Variants in TAF4B observed in about 807,000 individuals in gnomAD.
TAF4B encodes TATA-box binding protein associated factor 4b.
In TAF4B, 38 loss-of-function variants were observed where a neutral mutation model predicts 86.4. The ratio of observed to expected loss-of-function variants is 0.44; its 90% CI spans 0.34 to 0.58. The LOEUF (loss-of-function observed/expected upper bound fraction) is 0.58, where lower values mean the gene tolerates loss of function less well. TAF4B is among the 20% of genes least tolerant of loss of function. TAF4B has a pLI of 0.02. For missense variants in TAF4B, 988 were observed against 1,027.6 expected (o/e 0.96, Z 0.53); for synonymous variants, 388 against 391.2 (o/e 0.99, Z 0.10).
chr18:26,336,322 C>A (rs998299528), intron 13 of TAF4B, among the ~76,000 whole-genome samples: 1 of 152,134 alleles, frequency 6.6e-6, no homozygotes, highest in Non-Finnish European at 1.5e-5. Flanking sequence ...AACATTGCTG[C>A]AGTTGGCTCC....
At chr18:26,350,146 C>A (rs2057233136) in intron 13 of TAF4B, among the ~76,000 whole-genome samples, 1 of 152,008 alleles carries the variant, frequency 6.6e-6, no homozygotes, top group African/African-American at 2.4e-5. Context: ...TACTTTATGT[C>A]AGGAAAATAT....
rs1239223045 is a variant in TAF4B at position 26,282,025 on chromosome 18, T to G, written c.937T>G (p.Ser313Ala). 6.2e-7 allele frequency: 1 copy of G among 1,613,518 alleles called. No individual in the cohort carries two copies. The highest frequency in any genetic ancestry group is 2.2e-5 in the East Asian group (1 of 44,804). Reference sequence around the variant, plus strand: ...TAGGAAACTGTATGTTGAACTCAAGTCTTCACCTCAGCCTCACCTGGTTCC... The same window carrying G: ...TAGGAAACTGTATGTTGAACTCAAGGCTTCACCTCAGCCTCACCTGGTTCC... ...FTRKLYVELK[S>A]SPQPHLVPFL... is the part of the protein sequence containing the mutation. Residue 313 changes from serine (S) to alanine (A), a missense_variant, in exon 6 of 15, where the codon TCT becomes GCT. This residue lies in a region of TAF4B where 747 missense variants were observed against 737.9 expected (regional missense o/e 1.01). Coordinates refer to ENST00000269142, the MANE Select transcript of TAF4B (RefSeq NM_005640.3).
intron 12 of TAF4B, 33 bp downstream of exon 12, chr18:26,327,173 GC>G: frequency 6.2e-7 from 1 of 1,600,642 alleles, no homozygotes; most frequent in African/African-American, 1.3e-5. Context: ...AGTGAATGTG[GC>G]CTGGCAGTGT....
intron 9 of TAF4B, among the ~76,000 whole-genome samples, chr18:26,311,164 G>A (rs1192831726): frequency 6.6e-6 from 1 of 152,138 alleles, no homozygotes; most frequent in African/African-American, 2.4e-5. Flanking sequence ...CAAATACATT[G>A]ATTAGAAAAG....
intron 14 of TAF4B, among the ~76,000 whole-genome samples, chr18:26,362,287 T>C (rs1248358691): frequency 6.6e-6 from 1 of 152,234 alleles, no homozygotes; most frequent in East Asian, 1.9e-4. Context: ...AAGTACTTAA[T>C]TAGTGTCTGG....
chr18:26,304,907 C>T (rs111875181), intron 9 of TAF4B: 89 of 984,004 alleles, frequency 9.0e-5, no homozygotes, highest in African/African-American at 3.1e-4. Context: ...TTATTACTTT[C>T]GCCCATTTAT....
At chr18:26,294,718 T>C (rs1332952670) in intron 9 of TAF4B, among the ~76,000 whole-genome samples, 4 of 149,964 alleles carry the variant, frequency 2.7e-5, no homozygotes, top group South Asian at 2.1e-4. Flanking sequence ...TTTGTATATA[T>C]AGAAATTATG....
intron 14 of TAF4B, among the ~76,000 whole-genome samples, chr18:26,383,333 C>T (rs1034996154): frequency 5.3e-5 from 8 of 152,008 alleles, no homozygotes; most frequent in African/African-American, 1.9e-4. Flanking sequence ...GTAATCTAGG[C>T]AGAAGATAAT....
chr18:26,232,581 GT>G (rs903841525), intron 1 of TAF4B, among the ~76,000 whole-genome samples: 31 of 152,190 alleles, frequency 2.0e-4, no homozygotes, highest in African/African-American at 7.0e-4. Flanking sequence ...AACTCCAGAG[GT>G]TGGGATGAGT....
chr18:26,307,109 A>G (rs1467145617), intron 9 of TAF4B, among the ~76,000 whole-genome samples: 1 of 152,194 alleles, frequency 6.6e-6, no homozygotes, highest in African/African-American at 2.4e-5. Flanking sequence ...TACTTTTTAA[A>G]TGAAACTGAT....
chr18:26,252,775 TTATTC>T (rs2056025438), intron 1 of TAF4B, among the ~76,000 whole-genome samples: 1 of 151,160 alleles, frequency 6.6e-6, no homozygotes, highest in African/African-American at 2.4e-5. Context: ...GCATATTTTT[TTATTC>T]TATTCTATTT....
chr18:26,285,896 C>G lies in TAF4B; in HGVS notation c.987C>G (p.Ala329=). The G allele has an allele frequency of 6.2e-7, 1 of 1,607,414 alleles. No individual in the cohort carries two copies. Among genetic ancestry groups the G allele is most frequent in the Non-Finnish European group, 8.5e-7 (1 of 1,175,578 alleles). The change falls in exon 7 of 15, where the codon GCC becomes GCG. Residue 329 remains alanine (A), a synonymous_variant. Coordinates refer to ENST00000269142, the MANE Select transcript of TAF4B (RefSeq NM_005640.3). ...LVPFLKKSVV[A]LRQLLPNSQS... ...TGCATTTCCAGAAAAGCGTGGTTGCCTTACGACAACTTCTGCCTAACTCCC... is the reference window on the plus strand; with the variant it reads ...TGCATTTCCAGAAAAGCGTGGTTGCGTTACGACAACTTCTGCCTAACTCCC...
rs377367511 is a variant in TAF4B, at chr18:26,265,321, A to G, written c.489+6A>G. On this transcript the variant is annotated splice_donor_region_variant and intron_variant, in intron 2 of 14. Transcript: ENST00000269142. ...TCAAAATCTGTACAGTGCCGGTAAT[A>G]TACCTTAAATATTTTTCATCTTTCT... 8 of 1,582,778 alleles carry G rather than the reference A, an allele frequency of 5.1e-6. No individual in the cohort carries two copies. In the African/African-American group the frequency reaches 8.2e-5, roughly 16 times the overall value.
chr18:26,371,623 T>C lies in TAF4B; in HGVS notation c.2421+13829T>C, dbSNP rs76123606. 4.3e-3 allele frequency among the ~76,000 whole-genome samples: 659 copies of C among 152,332 alleles called. 3 individuals carry two copies. Among genetic ancestry groups the C allele is most frequent in the African/African-American group, 0.015 (629 of 41,566 alleles). ...GTCTGAGCTGCAGAGATCTTTGATA[T>C]TGGCTAGGTGATCATGGTATCCCTA... On this transcript the variant is annotated intron_variant, in intron 14 of 14. Transcript: ENST00000269142.
At chr18:26,369,281 G>A (rs1003878256) in intron 14 of TAF4B, among the ~76,000 whole-genome samples, 2 of 152,126 alleles carry the variant, frequency 1.3e-5, no homozygotes, top group Admixed American at 1.3e-4. Context: ...AGACTAGAAG[G>A]GTATTTGAAA....
chr18:26,229,149 C>T (rs1005444790), intron 1 of TAF4B, among the ~76,000 whole-genome samples: 2 of 152,102 alleles, frequency 1.3e-5, no homozygotes, highest in African/African-American at 4.8e-5. Context: ...GGAACCAAAA[C>T]TGAAACTTGG....
chr18:26,320,520 C>CTTGTA (rs927720840), intron 10 of TAF4B, among the ~76,000 whole-genome samples: 107 of 152,200 alleles, frequency 7.0e-4, no homozygotes, highest in Admixed American at 7.0e-3. Context: ...CCCATTTGAA[C>CTTGTA]TTGTAAATTG....
intron 1 of TAF4B, among the ~76,000 whole-genome samples, chr18:26,228,715 A>G (rs906197389): frequency 6.6e-6 from 1 of 151,492 alleles, no homozygotes; most frequent in South Asian, 2.1e-4. Context: ...GTAAGCCAAG[A>G]TATCTTGCCA....
chr18:26,338,957 A>G (rs2057114739), intron 13 of TAF4B, among the ~76,000 whole-genome samples: 1 of 152,226 alleles, frequency 6.6e-6, no homozygotes, highest in Admixed American at 6.5e-5. Context: ...GGCTCTTAAA[A>G]ACAGACTGCC....
Sources: allele counts gnomAD v4.1 joint callset (sites outside exome capture counted in the v4.1 genomes callset), GRCh38; gene constraint gnomAD v4.1.1; regional missense constraint gnomAD v4.1.1; transcripts MANE v1.5; gene names NCBI Gene and HGNC (gene_info 2026-07-23, HGNC 2026-07-21).